RABGAP1: variants seen among roughly 807,000 people sequenced by gnomAD.
The protein encoded by RABGAP1 is RAB GTPase activating protein 1.
In RABGAP1, 23 loss-of-function variants were observed where a neutral mutation model predicts 137.6. The ratio of observed to expected loss-of-function variants is 0.17; its 90% CI spans 0.12 to 0.24. RABGAP1 has a LOEUF of 0.24. Ranked by LOEUF, RABGAP1 falls within the 10% of genes least tolerant of loss-of-function variation. The pLI is 1.00. For synonymous variants in RABGAP1, 451 were observed against 450.7 expected (o/e 1.00, Z -0.01); for missense variants, 906 against 1,275.8 (o/e 0.71, Z 4.42).
chr9:122,962,762 T>G (rs1834916178), intron 2 of RABGAP1, among the ~76,000 whole-genome samples: 2 of 152,130 alleles, frequency 1.3e-5, no homozygotes, highest in East Asian at 1.9e-4. Context: ...GTAAGTAGAT[T>G]AAGCAGTGTA....
At chr9:122,941,204 C>T (rs1487215454) in intron 1 of RABGAP1, 111 bp downstream of exon 1, 5 of 152,250 alleles carry the variant, frequency 3.3e-5, no homozygotes, top group African/African-American at 9.7e-5. Context: ...CCCGCGGGGT[C>T]GGGCCAGTGG....
intron 12 of RABGAP1, among the ~76,000 whole-genome samples, chr9:123,017,879 C>T (rs1754353589): frequency 6.6e-6 from 1 of 152,210 alleles, no homozygotes; most frequent in South Asian, 2.1e-4. Context: ...TAGTAAATGT[C>T]ACAACCAGAA....
intron 2 of RABGAP1, among the ~76,000 whole-genome samples, chr9:122,958,107 C>T (rs1335146127): frequency 6.6e-6 from 1 of 152,192 alleles, no homozygotes. Context: ...CCCCCCACCC[C>T]CATTTCACTC....
intron 19 of RABGAP1, among the ~76,000 whole-genome samples, chr9:123,085,071 G>A (rs1199192585): frequency 1.3e-5 from 2 of 152,206 alleles, no homozygotes; most frequent in Admixed American, 1.3e-4. Flanking sequence ...CTTCCCCAAG[G>A]CAAGTGGCAT....
chr9:123,036,354 A>G (rs1483001436), intron 13 of RABGAP1, among the ~76,000 whole-genome samples: 4 of 152,244 alleles, frequency 2.6e-5, no homozygotes, highest in East Asian at 1.9e-4. Flanking sequence ...GTAATCGTGT[A>G]GTACTTTTGC....
chr9:122,953,252 C>T (rs569388126), intron 1 of RABGAP1, among the ~76,000 whole-genome samples: 38 of 152,102 alleles, frequency 2.5e-4, no homozygotes, highest in South Asian at 1.2e-3. Context: ...AACTATTGGG[C>T]GCTTATAATG....
chr9:123,026,002 A>G (rs887466786), intron 13 of RABGAP1, among the ~76,000 whole-genome samples: 1 of 109,010 alleles, frequency 9.2e-6, no homozygotes, highest in African/African-American at 3.4e-5. Flanking sequence ...TGGAAAACAT[A>G]TTCTTTTTTT....
chr9:122,988,283 G>C (rs1474394550), intron 4 of RABGAP1, among the ~76,000 whole-genome samples: 1 of 152,144 alleles, frequency 6.6e-6, no homozygotes, highest in Non-Finnish European at 1.5e-5. Context: ...TCCGTGATGA[G>C]CAAGGCCTTC....
chr9:122,966,342 T>C (rs1835141184), intron 2 of RABGAP1, among the ~76,000 whole-genome samples: 1 of 151,846 alleles, frequency 6.6e-6, no homozygotes, highest in African/African-American at 2.4e-5. Flanking sequence ...CTGGCCAACA[T>C]GGTGACGCCC....
intron 1 of RABGAP1, among the ~76,000 whole-genome samples, chr9:122,942,935 G>A (rs1833683419): frequency 6.6e-6 from 1 of 151,984 alleles, no homozygotes; most frequent in African/African-American, 2.4e-5. Flanking sequence ...TACTTGAGTT[G>A]AGAAGTTCAA....
At chr9:123,040,453 G>A (rs1267952666) in intron 13 of RABGAP1, among the ~76,000 whole-genome samples, 1 of 152,106 alleles carries the variant, frequency 6.6e-6, no homozygotes, top group Non-Finnish European at 1.5e-5. Flanking sequence ...ATAGTAAAAG[G>A]TGAAATCATC....
At position 123,101,654 on chromosome 9, in the gene RABGAP1, A is replaced by T. The variant is rs2035349315; in HGVS notation, c.2978A>T (p.Asp993Val). ...KGISSTKEVL[D>V]EDTDEEKETL... is the part of the protein sequence containing the mutation. The stretch of plus-strand genomic sequence containing the variant: ...ATAAGCTCAACCAAGGAGGTTTTAG[A>T]TGAGGACACGGATGAAGAGAAAGAG... Residue 993 changes from aspartate to valine, a missense_variant, in exon 25 of 26, where the codon GAT (aspartate) becomes GTT (valine). Transcript: ENST00000373647. 6.2e-7 allele frequency: 1 copy of T among 1,614,166 alleles called. No homozygotes were observed. Among genetic ancestry groups the T allele is most frequent in the Non-Finnish European group, 8.5e-7 (1 of 1,180,030 alleles).
intron 19 of RABGAP1, among the ~76,000 whole-genome samples, chr9:123,081,357 C>T (rs1329190301): frequency 6.6e-6 from 1 of 152,186 alleles, no homozygotes; most frequent in African/African-American, 2.4e-5. Context: ...ACTGTACTTC[C>T]TGATAATCAA....
intron 10 of RABGAP1, among the ~76,000 whole-genome samples, chr9:123,002,177 T>C (rs1228515672): frequency 1.3e-5 from 2 of 152,006 alleles, no homozygotes; most frequent in Non-Finnish European, 2.9e-5. Flanking sequence ...GGCGCATGCC[T>C]GTAATCCCAG....
intron 1 of RABGAP1, among the ~76,000 whole-genome samples, chr9:122,947,188 A>G (rs1186321823): frequency 1.3e-5 from 2 of 152,362 alleles, no homozygotes; most frequent in Middle Eastern, 3.4e-3. Flanking sequence ...CACATGCTAC[A>G]ATATGAATAA....
chr9:123,097,782 G>A lies in RABGAP1; in HGVS notation c.2670G>A (p.Met890Ile). 1 of 1,613,970 alleles carries A rather than the reference G, an allele frequency of 6.2e-7. No homozygotes were observed. Among genetic ancestry groups the A allele is most frequent in the Non-Finnish European group, 8.5e-7 (1 of 1,179,960 alleles). ...KADALNKELL[M>I]TKQKLIDAEE... Reference sequence around the variant, plus strand: ...ATGCTCTGAATAAGGAGCTGCTGATGACCAAACAGAAGTTGATTGATGCAG... The same window carrying A: ...ATGCTCTGAATAAGGAGCTGCTGATAACCAAACAGAAGTTGATTGATGCAG... Residue 890 changes from methionine to isoleucine, a missense_variant, in exon 22 of 26, where the codon ATG becomes ATA. Physicochemically the swap from Met to Ile is conservative, Grantham distance 10. Around this residue, in one of 9 missense-constraint regions of RABGAP1, gnomAD observed 193 missense variants for 248.1 expected, o/e 0.78. Transcript: ENST00000373647.
rs199511222 is a variant in RABGAP1, at chr9:122,957,140, G to A, written c.81G>A (p.Leu27=). 1.9e-6 allele frequency: 3 copies of A among 1,571,544 alleles called. No homozygotes were observed. The highest frequency in any genetic ancestry group is 2.6e-6 in the Non-Finnish European group (3 of 1,150,570). ...CTCTTAATAGTGAAGATTTTGTCTT[G>A]GTTTCCAGGCAAGGAGATGAGACAC... ...VSTLNSEDFV[L]VSRQGDETPS... Residue 27 remains leucine (L), a synonymous_variant, in exon 2 of 26, where the codon TTG becomes TTA. Coordinates refer to ENST00000373647, the MANE Select transcript of RABGAP1 (RefSeq NM_012197.4).
Position 123,006,852 on chromosome 9 carries a change from A to G in RABGAP1, c.1375-3502A>G, listed in dbSNP as rs940605924. ...TCGAACTCCTGACCTCAGGTGATCCACCCGCCTCAGCCTCCTAAACTACTG... is the reference window on the plus strand; with the variant it reads ...TCGAACTCCTGACCTCAGGTGATCCGCCCGCCTCAGCCTCCTAAACTACTG... On this transcript the variant is annotated intron_variant, in intron 10 of 25. Coordinates refer to ENST00000373647, the MANE Select transcript of RABGAP1 (RefSeq NM_012197.4). 1.1e-4 allele frequency among the ~76,000 whole-genome samples: 17 copies of G among 151,784 alleles called. No individual in the cohort carries two copies. In the South Asian group the frequency reaches 3.5e-3, roughly 31 times the overall value.
At chr9:123,057,836 C>T (rs1016789330) in intron 13 of RABGAP1, among the ~76,000 whole-genome samples, 5 of 152,344 alleles carry the variant, frequency 3.3e-5, no homozygotes, top group East Asian at 1.9e-4. Flanking sequence ...GGATCACTCG[C>T]GGCCAGGAGC....
Sources: gnomAD v4.1 joint callset for allele counts (sites outside exome capture counted in the v4.1 genomes callset) on GRCh38, gnomAD v4.1.1 for gene constraint, gnomAD v4.1.1 regional missense constraint, MANE v1.5 for transcripts, NCBI Gene and HGNC (gene_info 2026-07-23, HGNC 2026-07-21) for gene names.